SUMF1: variants seen among roughly 807,000 people sequenced by gnomAD.
SUMF1 encodes the protein formylglycine-generating enzyme.
SUMF1 carries 48 observed loss-of-function variants against 47.6 expected under a neutral mutation model. That is an observed-to-expected ratio of 1.01 (90% confidence interval 0.80 to 1.28). The LOEUF is 1.28. Ranked by LOEUF, SUMF1 falls within the 50% of genes most tolerant of loss-of-function variation. The pLI is 0.00. For synonymous variants in SUMF1, 230 were observed against 192.1 expected (o/e 1.20, Z -1.63); for missense variants, 571 against 485.4 (o/e 1.18, Z -1.66).
intron 8 of SUMF1, among the ~76,000 whole-genome samples, chr3:4,226,588 C>A (rs1696180629): frequency 6.6e-6 from 1 of 151,850 alleles, no homozygotes. Flanking sequence ...TTTTTAATCT[C>A]CGCAGCACTT....
At position 4,038,367 on chromosome 3, in the gene SUMF1, T is replaced by C. The variant is rs946997075; in HGVS notation, c.1191+30202A>G. On this transcript the variant is annotated intron_variant and NMD_transcript_variant, in intron 9 of 12. Transcript: ENST00000448413. ...GGGAGAAGGACTGGCCTCCTCCCCA[T>C]AGGTCGACTGCAGCTTGTTAGAGGT... Among the ~76,000 whole-genome samples, 13 of 152,256 alleles carry C rather than the reference T, an allele frequency of 8.5e-5. No homozygotes were observed. The South Asian group carries it at 2.5e-3, about 29-fold the overall frequency.
chr3:4,318,732 AC>A (rs1698750675), intron 8 of SUMF1, among the ~76,000 whole-genome samples: 1 of 152,134 alleles, frequency 6.6e-6, no homozygotes, highest in South Asian at 2.1e-4. Context: ...ATATGGCAAA[AC>A]CCTGTCCATA....
At chr3:4,159,593 G>A (rs1205122142) in intron 8 of SUMF1, among the ~76,000 whole-genome samples, 1 of 151,794 alleles carries the variant, frequency 6.6e-6, no homozygotes, top group East Asian at 1.9e-4. Context: ...CACAATTACA[G>A]TGTAATACTA....
At chr3:4,318,695 G>T (rs565005265) in intron 8 of SUMF1, among the ~76,000 whole-genome samples, 2 of 152,258 alleles carry the variant, frequency 1.3e-5, no homozygotes, top group South Asian at 4.2e-4. Flanking sequence ...ATCACCTGAG[G>T]TCAGGAGTTC....
At chr3:4,130,280 C>G (rs1693756617) in intron 8 of SUMF1, among the ~76,000 whole-genome samples, 1 of 152,152 alleles carries the variant, frequency 6.6e-6, no homozygotes, top group Non-Finnish European at 1.5e-5. Flanking sequence ...CTCCTGGTAC[C>G]TGGTATGCAG....
chr3:4,461,505 A>C (rs1348183049), intron 1 of SUMF1, among the ~76,000 whole-genome samples: 1 of 152,254 alleles, frequency 6.6e-6, no homozygotes, highest in African/African-American at 2.4e-5. Context: ...GACCACAGGA[A>C]GCTGTGCCCA....
chr3:4,326,522 G>GTTTTTTTT (rs35648890), intron 8 of SUMF1, among the ~76,000 whole-genome samples: 2 of 128,698 alleles, frequency 1.6e-5, no homozygotes, highest in Admixed American at 7.7e-5. Context: ...TTTTCCAAGG[G>GTTTTTTTT]TTTTTTTTTT....
At chr3:4,404,200 G>C (rs1446222421) in intron 7 of SUMF1, among the ~76,000 whole-genome samples, 1 of 152,142 alleles carries the variant, frequency 6.6e-6, no homozygotes, top group Admixed American at 6.5e-5. Flanking sequence ...ATTACAATGA[G>C]TAAACATTAG....
intron 8 of SUMF1, among the ~76,000 whole-genome samples, chr3:4,252,218 G>C (rs759030702): frequency 1.3e-5 from 2 of 152,096 alleles, no homozygotes; most frequent in Non-Finnish European, 2.9e-5. Context: ...CAGAATTAAT[G>C]GTTGCCCCAT....
intron 8 of SUMF1, among the ~76,000 whole-genome samples, chr3:4,098,789 A>T (rs533148746): frequency 1.8e-4 from 28 of 152,294 alleles, no homozygotes; most frequent in Non-Finnish European, 3.2e-4. Flanking sequence ...AAGGAAAAAA[A>T]GTTAAAGATT....
At chr3:4,080,201 C>G (rs137953921) in intron 8 of SUMF1, among the ~76,000 whole-genome samples, 1 of 152,120 alleles carries the variant, frequency 6.6e-6, no homozygotes, top group Non-Finnish European at 1.5e-5. Context: ...CAAATGCACA[C>G]GTACATTCCA....
chr3:4,261,073 T>C (rs1358846957), intron 8 of SUMF1, among the ~76,000 whole-genome samples: 1 of 152,194 alleles, frequency 6.6e-6, no homozygotes, highest in Non-Finnish European at 1.5e-5. Context: ...TCACCCTAGT[T>C]TGACACTGTA....
At chr3:4,405,531 C>T (rs1701348330) in intron 7 of SUMF1, among the ~76,000 whole-genome samples, 1 of 152,170 alleles carries the variant, frequency 6.6e-6, no homozygotes, top group Non-Finnish European at 1.5e-5. Context: ...GGACTACAGG[C>T]ATGTGCCACC....
intron 9 of SUMF1, among the ~76,000 whole-genome samples, chr3:4,050,258 G>A (rs568004393): frequency 1.5e-4 from 23 of 151,418 alleles, no homozygotes; most frequent in South Asian, 4.2e-4. Flanking sequence ...TCTCCTGTCC[G>A]TTCTAAATGA....
chr3:4,196,508 A>C (rs1319947561), intron 8 of SUMF1, among the ~76,000 whole-genome samples: 1 of 152,094 alleles, frequency 6.6e-6, no homozygotes, highest in Non-Finnish European at 1.5e-5. Context: ...ACTAATATGG[A>C]TATCTGCATT....
chr3:4,197,624 T>A (rs1358070437), intron 8 of SUMF1, among the ~76,000 whole-genome samples: 1 of 152,140 alleles, frequency 6.6e-6, no homozygotes, highest in Non-Finnish European at 1.5e-5. Flanking sequence ...CCCCAAGGAA[T>A]GGCGGAGGAT....
chr3:4,244,207 A>G (rs1696608496), intron 8 of SUMF1, among the ~76,000 whole-genome samples: 1 of 152,084 alleles, frequency 6.6e-6, no homozygotes, highest in Non-Finnish European at 1.5e-5. Context: ...TCTTTACTCT[A>G]TCCAACTTGC....
chr3:4,237,346 A>T (rs1696432221), intron 8 of SUMF1, among the ~76,000 whole-genome samples: 1 of 151,916 alleles, frequency 6.6e-6, no homozygotes, highest in Non-Finnish European at 1.5e-5. Flanking sequence ...CTGGTATCTC[A>T]TTTTTTTAAA....
intron 8 of SUMF1, among the ~76,000 whole-genome samples, chr3:4,304,537 G>A (rs903126888): frequency 6.6e-6 from 1 of 152,330 alleles, no homozygotes; most frequent in South Asian, 2.1e-4. Context: ...GCTGGACGTG[G>A]AAGTTGGAGA....
Sources: gnomAD v4.1 joint callset for allele counts (sites outside exome capture counted in the v4.1 genomes callset) on GRCh38, gnomAD v4.1.1 for gene constraint, MANE v1.5 for transcripts, NCBI Gene and HGNC (gene_info 2026-07-23, HGNC 2026-07-21) for gene names.